RAD51B: variants seen among roughly 807,000 people sequenced by gnomAD.
The protein encoded by RAD51B is RAD51 paralog B.
In RAD51B, 38 loss-of-function variants were observed where a neutral mutation model predicts 42.2. The observed-to-expected ratio is 0.90, with a 90% CI of 0.70 to 1.18. RAD51B has a LOEUF of 1.18. RAD51B is among the 50% of genes most tolerant of loss of function. RAD51B has a pLI of 0.00. For missense variants in RAD51B, 373 were observed against 400.7 expected, an observed-to-expected ratio of 0.93 and a Z score of 0.59; for synonymous variants, 154 against 145.2, an observed-to-expected ratio of 1.06 and a Z score of -0.43.
intron 7 of RAD51B, among the ~76,000 whole-genome samples, chr14:68,171,132 A>G (rs536153108): frequency 2.0e-5 from 3 of 152,296 alleles, no homozygotes; most frequent in African/African-American, 7.2e-5. Context: ...TATTTATAGA[A>G]GAGGTTCTCT....
intron 7 of RAD51B, among the ~76,000 whole-genome samples, chr14:68,025,636 C>T (rs1342730227): frequency 2.0e-5 from 3 of 151,860 alleles, no homozygotes; most frequent in African/African-American, 7.2e-5. Flanking sequence ...TATCCACTTT[C>T]TCTAGATCTT....
intron 7 of RAD51B, among the ~76,000 whole-genome samples, chr14:67,996,592 G>A (rs2075388949): frequency 6.6e-6 from 1 of 152,108 alleles, no homozygotes; most frequent in Non-Finnish European, 1.5e-5. Context: ...TGAGTTCAAG[G>A]AACTCCAAGG....
intron 7 of RAD51B, among the ~76,000 whole-genome samples, chr14:67,987,849 C>T (rs1192135205): frequency 6.6e-6 from 1 of 152,176 alleles, no homozygotes; most frequent in Non-Finnish European, 1.5e-5. Flanking sequence ...ACTTGGCAAT[C>T]GCTTCCTCAG....
intron 5 of RAD51B, among the ~76,000 whole-genome samples, chr14:67,885,210 G>A (rs918988740): frequency 6.6e-6 from 1 of 152,134 alleles, no homozygotes; most frequent in Non-Finnish European, 1.5e-5. Context: ...TTCTAGTAAT[G>A]CTTTCCATAT....
At chr14:68,586,932 G>A (rs956895607) in intron 10 of RAD51B, among the ~76,000 whole-genome samples, 1 of 152,082 alleles carries the variant, frequency 6.6e-6, no homozygotes, top group South Asian at 2.1e-4. Context: ...TTGAACCTAG[G>A]AGGCAGAGGT....
chr14:68,580,813 C>T (rs1010539648), intron 10 of RAD51B, among the ~76,000 whole-genome samples: 2 of 152,140 alleles, frequency 1.3e-5, no homozygotes, highest in Non-Finnish European at 2.9e-5. Flanking sequence ...CCTTGGAGAT[C>T]TCAAGGAACA....
intron 10 of RAD51B, chr14:68,497,313 CTCA>C: frequency 3.9e-6 from 5 of 1,266,378 alleles, no homozygotes; most frequent in Non-Finnish European, 5.0e-6. Context: ...GAGGATGTAT[CTCA>C]CAAGTAGGAT....
intron 7 of RAD51B, among the ~76,000 whole-genome samples, chr14:68,283,548 C>G (rs951156142): frequency 6.6e-6 from 1 of 152,202 alleles, no homozygotes; most frequent in Admixed American, 6.5e-5. Context: ...TGCATTGTCA[C>G]AGTTCACCAA....
intron 7 of RAD51B, among the ~76,000 whole-genome samples, chr14:67,923,311 T>TC (rs2044392476): frequency 7.3e-6 from 1 of 136,236 alleles, no homozygotes; most frequent in African/African-American, 2.8e-5. Context: ...TTTTTTTTTT[T>TC]TTTTTGAGAT....
intron 8 of RAD51B, among the ~76,000 whole-genome samples, chr14:68,354,221 T>G (rs2082849532): frequency 6.9e-6 from 1 of 145,880 alleles, no homozygotes; most frequent in African/African-American, 2.6e-5. Context: ...TTTTGGTTTT[T>G]TTTTTTTTTT....
intron 9 of RAD51B, among the ~76,000 whole-genome samples, chr14:68,437,951 C>G (rs891683867): frequency 6.6e-6 from 1 of 152,056 alleles, no homozygotes; most frequent in Non-Finnish European, 1.5e-5. Flanking sequence ...TGAACAAAGG[C>G]TCTGAGGTGG....
chr14:67,883,024 C>G (rs1039308028), intron 5 of RAD51B, among the ~76,000 whole-genome samples: 2 of 152,232 alleles, frequency 1.3e-5, no homozygotes, highest in Non-Finnish European at 2.9e-5. Flanking sequence ...GGATTGCAGG[C>G]GTGAGCCACC....
intron 9 of RAD51B, among the ~76,000 whole-genome samples, chr14:68,424,701 C>A (rs1378731947): frequency 6.6e-6 from 1 of 152,258 alleles, no homozygotes; most frequent in African/African-American, 2.4e-5. Context: ...ATCCCTGTAA[C>A]TGGCTCTGCT....
intron 8 of RAD51B, among the ~76,000 whole-genome samples, chr14:68,296,869 A>G (rs911473047): frequency 2.0e-5 from 3 of 152,210 alleles, no homozygotes; most frequent in Admixed American, 6.5e-5. Flanking sequence ...CCGATAGACC[A>G]TAGCACATGA....
intron 7 of RAD51B, among the ~76,000 whole-genome samples, chr14:67,923,162 TCTC>T (rs2044383652): frequency 6.6e-6 from 1 of 152,216 alleles, no homozygotes; most frequent in South Asian, 2.1e-4. Flanking sequence ...AGAGTAACGG[TCTC>T]CAGTTCCATC....
At chr14:68,087,854 ATATAATTATATAATATATTATT>A (rs1307257756) in intron 7 of RAD51B, among the ~76,000 whole-genome samples, 4 of 117,430 alleles carry the variant, frequency 3.4e-5, no homozygotes, top group Non-Finnish European at 6.5e-5. Context: ...ATTATTATAT[ATATAATTATATAATATATTATT>A]TATATAATTA....
chr14:68,646,750 G>C (rs770539431), intron 10 of RAD51B, among the ~76,000 whole-genome samples: 3 of 152,112 alleles, frequency 2.0e-5, no homozygotes, highest in Non-Finnish European at 2.9e-5. Flanking sequence ...CTTTGGAAAT[G>C]GTGTTCAATG....
chr14:68,458,897 A>G (rs2085772074), intron 9 of RAD51B, among the ~76,000 whole-genome samples: 1 of 152,166 alleles, frequency 6.6e-6, no homozygotes, highest in Non-Finnish European at 1.5e-5. Flanking sequence ...CTATTATGAG[A>G]AGGCAGTTTA....
chr14:68,180,395 G>A (rs2079040083), intron 7 of RAD51B, among the ~76,000 whole-genome samples: 1 of 152,054 alleles, frequency 6.6e-6, no homozygotes, highest in Non-Finnish European at 1.5e-5. Flanking sequence ...TTAGATGAGG[G>A]GATTGTAAAT....
Sources: allele counts gnomAD v4.1 joint callset (sites outside exome capture counted in the v4.1 genomes callset), GRCh38; gene constraint gnomAD v4.1.1; transcripts MANE v1.5; gene names NCBI Gene and HGNC (gene_info 2026-07-23, HGNC 2026-07-21).